RGS22: variants seen among roughly 807,000 people sequenced by gnomAD.
The protein encoded by RGS22 is regulator of G-protein signaling 22.
RGS22 carries 148 observed loss-of-function variants against 172.9 expected under a neutral mutation model. That is an observed-to-expected ratio of 0.86 (90% CI 0.75 to 0.98). The LOEUF (loss-of-function observed/expected upper bound fraction) is 0.98. RGS22 is among the 50% of genes least tolerant of loss of function. RGS22 has a pLI of 0.00. For synonymous variants in RGS22, 458 were observed against 480.2 expected (o/e 0.95, Z 0.60); for missense variants, 1,347 against 1,440.8 (o/e 0.93, Z 1.05).
In RGS22 at chr8:100,025,581, C is replaced by T. The variant is rs143538665; in HGVS notation, c.2166+13350G>A. On this transcript the variant is annotated intron_variant, in intron 14 of 27. Transcript: ENST00000360863. ...ACACCATCAGCCTAGAGAAGGAGAA[C>T]TTAGCTCGTGACACTTTAATGAAAA... 3.5e-3 allele frequency among the ~76,000 whole-genome samples: 540 copies of T among 152,284 alleles called. 2 individuals are homozygous for T. Among genetic ancestry groups the T allele is most frequent in the African/African-American group, 0.012 (497 of 41,558 alleles).
intron 3 of RGS22, among the ~76,000 whole-genome samples, chr8:100,082,130 C>T (rs886700018): frequency 7.2e-5 from 11 of 152,030 alleles, no homozygotes; most frequent in Admixed American, 3.9e-4. Flanking sequence ...TGAGTAGTTA[C>T]GGTATAGTTG....
At chr8:100,015,731 C>G (rs1259202683) in intron 14 of RGS22, among the ~76,000 whole-genome samples, 1 of 152,146 alleles carries the variant, frequency 6.6e-6, no homozygotes, top group Non-Finnish European at 1.5e-5. Flanking sequence ...AAACAAATAT[C>G]AGGAGGAAAT....
intron 2 of RGS22, among the ~76,000 whole-genome samples, chr8:100,098,325 T>C (rs1813143243): frequency 6.6e-6 from 1 of 152,080 alleles, no homozygotes; most frequent in South Asian, 2.1e-4. Flanking sequence ...ACTAATAACT[T>C]TAAAAAGACT....
intron 14 of RGS22, among the ~76,000 whole-genome samples, chr8:100,018,206 C>T (rs1817213684): frequency 9.1e-6 from 1 of 109,542 alleles, no homozygotes; most frequent in Non-Finnish European, 1.8e-5. Flanking sequence ...TTCTTGGCAT[C>T]TGTATCAAAA....
chr8:99,970,327 A>C (rs1427229780), intron 23 of RGS22, among the ~76,000 whole-genome samples: 1 of 152,198 alleles, frequency 6.6e-6, no homozygotes, highest in Non-Finnish European at 1.5e-5. Flanking sequence ...AAAGAACTAG[A>C]GAAGAAAGAA....
At chr8:100,066,087 G>T in intron 7 of RGS22, 80 bp downstream of exon 7, 1 of 1,391,344 alleles carries the variant, frequency 7.2e-7, no homozygotes, top group African/African-American at 1.4e-5. Flanking sequence ...CAACCACTAA[G>T]TACTGTACTG....
At chr8:100,079,834 C>A (rs1203507780) in intron 4 of RGS22, among the ~76,000 whole-genome samples, 1 of 152,092 alleles carries the variant, frequency 6.6e-6, no homozygotes, top group African/African-American at 2.4e-5. Context: ...GCCTATATAT[C>A]CACATTTTCA....
chr8:99,992,190 T>G (rs1813819537), intron 20 of RGS22, among the ~76,000 whole-genome samples: 1 of 152,182 alleles, frequency 6.6e-6, no homozygotes, highest in Non-Finnish European at 1.5e-5. Flanking sequence ...ATTAATGCTA[T>G]GAAGAAACTG....
At chr8:100,038,386 C>G (rs1027331192) in intron 14 of RGS22, 3 of 151,598 alleles carry the variant, frequency 2.0e-5, no homozygotes, top group African/African-American at 7.3e-5. Flanking sequence ...TTGAAACATT[C>G]TTTCCTCCAC....
intron 14 of RGS22, among the ~76,000 whole-genome samples, chr8:100,033,490 GACCAA>G: frequency 6.7e-6 from 1 of 149,920 alleles, no homozygotes; most frequent in Admixed American, 6.7e-5. Context: ...TCTCTGAATA[GACCAA>G]TAACAGGCTC....
intron 2 of RGS22, among the ~76,000 whole-genome samples, chr8:100,095,817 T>C (rs1289358752): frequency 6.6e-6 from 1 of 152,216 alleles, no homozygotes; most frequent in Non-Finnish European, 1.5e-5. Context: ...TATTATCAAA[T>C]ACATCAAAAT....
At chr8:100,083,689 A>G (rs1179259030) in intron 3 of RGS22, among the ~76,000 whole-genome samples, 1 of 151,958 alleles carries the variant, frequency 6.6e-6, no homozygotes, top group Non-Finnish European at 1.5e-5. Flanking sequence ...ATATTTACAT[A>G]AAAAGCAAAA....
chr8:100,027,276 C>T (rs191399163), intron 14 of RGS22, among the ~76,000 whole-genome samples: 79 of 152,140 alleles, frequency 5.2e-4, no homozygotes, highest in Admixed American at 1.3e-3. Flanking sequence ...GTTTTAAATA[C>T]GACTGAAGTG....
intron 11 of RGS22, among the ~76,000 whole-genome samples, chr8:100,042,417 G>A (rs541323933): frequency 6.6e-6 from 1 of 152,246 alleles, no homozygotes; most frequent in Admixed American, 6.5e-5. Flanking sequence ...ACATTAAAAA[G>A]TGAACATTAT....
chr8:100,070,523 A>G (rs1444560367), intron 6 of RGS22, among the ~76,000 whole-genome samples: 2 of 152,212 alleles, frequency 1.3e-5, no homozygotes, highest in Non-Finnish European at 2.9e-5. Flanking sequence ...TTTCAGCTTC[A>G]TAGAGATTTC....
chr8:100,014,936 T>C (rs1816791595), intron 14 of RGS22, among the ~76,000 whole-genome samples: 1 of 152,182 alleles, frequency 6.6e-6, no homozygotes, highest in Non-Finnish European at 1.5e-5. Flanking sequence ...CCCTGTACTT[T>C]TATGTTTTTC....
chr8:100,059,729 T>A (rs1352788050), intron 9 of RGS22, among the ~76,000 whole-genome samples: 1 of 152,260 alleles, frequency 6.6e-6, no homozygotes, highest in East Asian at 1.9e-4. Flanking sequence ...ATTGGACAGA[T>A]CCTCCAGAGA....
At position 100,001,739 on chromosome 8, in the gene RGS22, A is replaced by AT. The variant is rs1815113764; in HGVS notation, c.2790+462dup. On this transcript the variant is annotated intron_variant, in intron 18 of 27. Transcript: ENST00000360863. The stretch of plus-strand genomic sequence containing the variant: ...TGCTCAAGGTTCCATAGTAAAGAGG[A>AT]TTTTCAAAGATTGATTATATTTAGA... 7.9e-5 allele frequency among the ~76,000 whole-genome samples: 12 copies of AT among 152,210 alleles called. 1 individual carries two copies. In the South Asian group the frequency reaches 2.5e-3, roughly 32 times the overall value.
chr8:100,008,517 T>TG lies in RGS22; in HGVS notation c.2218dup (p.Gln740ProfsTer17). The TG allele has an allele frequency of 6.2e-7, 1 of 1,612,832 alleles. No individual in the cohort carries two copies. On this transcript the variant is annotated frameshift_variant, in exon 15 of 28. Transcript: ENST00000360863. LOFTEE classifies it high-confidence loss of function. ...ATAAATTTCTTTTTTCTTTTCCTGT[T>TG]GGAGTCCAATGTCAAGAGTGGCAGA...
Sources: allele counts gnomAD v4.1 joint callset (sites outside exome capture counted in the v4.1 genomes callset), GRCh38; gene constraint gnomAD v4.1.1; transcripts MANE v1.5; gene names NCBI Gene and HGNC (gene_info 2026-07-23, HGNC 2026-07-21).